Variants in TRIM44 observed in about 807,000 individuals in gnomAD.
TRIM44 encodes tripartite motif containing 44.
Under a neutral mutation model 37.4 loss-of-function variants are expected in TRIM44, and 13 were observed. The ratio of observed to expected loss-of-function variants is 0.35; its 90% CI spans 0.23 to 0.55. The LOEUF is 0.55. Among genes scored for constraint, TRIM44 ranks in the 20% least tolerant of loss-of-function variants. The pLI, the probability that TRIM44 is intolerant of heterozygous loss-of-function variation, is 0.89. For missense variants in TRIM44, 426 were observed against 437.2 expected, an observed-to-expected ratio of 0.97 and a Z score of 0.23; for synonymous variants, 175 against 157.2, an observed-to-expected ratio of 1.11 and a Z score of -0.85.
intron 4 of TRIM44, 113 bp downstream of exon 4, chr11:35,735,558 T>G (rs1852317733): frequency 6.6e-6 from 7 of 1,064,730 alleles, no homozygotes; most frequent in Non-Finnish European, 1.0e-5. Flanking sequence ...AAAAGGGATC[T>G]CTATCTTAAG....
intron 2 of TRIM44, among the ~76,000 whole-genome samples, chr11:35,701,543 TG>T (rs901795156): frequency 1.3e-5 from 2 of 152,096 alleles, no homozygotes; most frequent in Admixed American, 6.5e-5. Flanking sequence ...TTCCCTAAGC[TG>T]GGAATTGAAC....
intron 2 of TRIM44, among the ~76,000 whole-genome samples, chr11:35,706,220 T>A (rs1851879047): frequency 2.0e-5 from 3 of 149,280 alleles, no homozygotes; most frequent in Admixed American, 1.3e-4. Context: ...AGGAAGAAGT[T>A]GAATCTCTGA....
At chr11:35,722,659 G>T (rs537731876) in intron 2 of TRIM44, among the ~76,000 whole-genome samples, 2 of 152,186 alleles carry the variant, frequency 1.3e-5, no homozygotes. Context: ...CATTCTCATC[G>T]CCATCCTATT....
intron 1 of TRIM44, among the ~76,000 whole-genome samples, chr11:35,664,724 G>A (rs1436956502): frequency 6.6e-6 from 1 of 152,184 alleles, no homozygotes; most frequent in Non-Finnish European, 1.5e-5. Context: ...CATTCAGAAA[G>A]TGTGTAAAAA....
intron 4 of TRIM44, among the ~76,000 whole-genome samples, chr11:35,775,118 ATTTG>A (rs1852938060): frequency 6.6e-6 from 1 of 152,194 alleles, no homozygotes; most frequent in South Asian, 2.1e-4. Context: ...ATGTTCTTCC[ATTTG>A]TTTGTGTCCT....
intron 1 of TRIM44, 28 bp downstream of exon 1, chr11:35,663,808 C>T: frequency 1.9e-6 from 3 of 1,592,002 alleles, no homozygotes; most frequent in African/African-American, 1.3e-5. Flanking sequence ...AGAGCATAAA[C>T]CTAGGGGTCA....
At chr11:35,707,291 A>G (rs914792954) in intron 2 of TRIM44, among the ~76,000 whole-genome samples, 1 of 152,248 alleles carries the variant, frequency 6.6e-6, no homozygotes, top group African/African-American at 2.4e-5. Context: ...AGAACATTCC[A>G]TGCTCATGGG....
chr11:35,801,098 C>T (rs1465962084), intron 4 of TRIM44, among the ~76,000 whole-genome samples: 7 of 152,342 alleles, frequency 4.6e-5, no homozygotes, highest in South Asian at 2.1e-4. Context: ...GCAACTCGCT[C>T]TGTCTAGTAA....
At chr11:35,795,312 T>TA (rs982111533) in intron 4 of TRIM44, among the ~76,000 whole-genome samples, 3 of 152,078 alleles carry the variant, frequency 2.0e-5, no homozygotes, top group African/African-American at 7.2e-5. Flanking sequence ...TTTGAAATAT[T>TA]ATTCTGAATA....
rs748059669 is a variant in TRIM44, at chr11:35,685,374, C to G, written c.747+38C>G. On this transcript the variant is annotated intron_variant, in intron 2 of 4. Coordinates refer to ENST00000299413, the MANE Select transcript of TRIM44 (RefSeq NM_017583.6). ...TGGAATTGATTGGGTGTTGGTACCCCAAGCATTTCATTCTCCTTGAGCTAA... is the reference window on the plus strand; with the variant it reads ...TGGAATTGATTGGGTGTTGGTACCCGAAGCATTTCATTCTCCTTGAGCTAA... 3.9e-6 allele frequency: 6 copies of G among 1,549,294 alleles called. No homozygotes were observed. In the African/African-American group the frequency reaches 8.2e-5, roughly 21 times the overall value.
chr11:35,764,085 GC>G (rs1212876337), intron 4 of TRIM44, among the ~76,000 whole-genome samples: 1 of 152,080 alleles, frequency 6.6e-6, no homozygotes, highest in African/African-American at 2.4e-5. Context: ...CTTCTCAAGG[GC>G]ATGCTTCTTC....
intron 4 of TRIM44, among the ~76,000 whole-genome samples, chr11:35,775,504 A>G (rs981794603): frequency 6.6e-6 from 1 of 152,216 alleles, no homozygotes; most frequent in Non-Finnish European, 1.5e-5. Flanking sequence ...TTCCAGCACT[A>G]TGTTGAATAG....
chr11:35,780,588 A>G (rs1302378613), intron 4 of TRIM44, among the ~76,000 whole-genome samples: 10 of 152,238 alleles, frequency 6.6e-5, no homozygotes, highest in Non-Finnish European at 1.5e-4. Context: ...TGATCCTCTG[A>G]GAAAATTCAC....
At chr11:35,732,664 G>A (rs1852276977) in intron 3 of TRIM44, among the ~76,000 whole-genome samples, 1 of 152,150 alleles carries the variant, frequency 6.6e-6, no homozygotes, top group Non-Finnish European at 1.5e-5. Flanking sequence ...TGGGAGAAAG[G>A]AGGAGGATTA....
intron 2 of TRIM44, among the ~76,000 whole-genome samples, chr11:35,717,068 G>A (rs1286617794): frequency 6.6e-6 from 1 of 152,224 alleles, no homozygotes; most frequent in Non-Finnish European, 1.5e-5. Flanking sequence ...TTGGATAATA[G>A]AAATGTATCC....
intron 4 of TRIM44, among the ~76,000 whole-genome samples, chr11:35,797,591 A>T (rs1227862834): frequency 3.3e-5 from 5 of 152,220 alleles, no homozygotes; most frequent in Non-Finnish European, 7.3e-5. Flanking sequence ...TGATGTAATG[A>T]TAATGGCACT....
intron 2 of TRIM44, among the ~76,000 whole-genome samples, chr11:35,723,874 A>G (rs564738457): frequency 1.7e-4 from 26 of 152,342 alleles, no homozygotes; most frequent in African/African-American, 2.6e-4. Flanking sequence ...TTGAGACTCA[A>G]TTTATTTCAG....
intron 2 of TRIM44, among the ~76,000 whole-genome samples, chr11:35,689,417 T>A (rs1851616073): frequency 6.6e-6 from 1 of 152,226 alleles, no homozygotes; most frequent in Non-Finnish European, 1.5e-5. Flanking sequence ...AGATTACTTT[T>A]AATAACAAAC....
At chr11:35,697,221 A>T (rs1488524211) in intron 2 of TRIM44, among the ~76,000 whole-genome samples, 7 of 48,624 alleles carry the variant, frequency 1.4e-4, no homozygotes, top group African/African-American at 3.5e-4. Flanking sequence ...CCCTCCCCCC[A>T]CCCCACAACA....
Sources: allele counts gnomAD v4.1 joint callset (sites outside exome capture counted in the v4.1 genomes callset), GRCh38; gene constraint gnomAD v4.1.1; transcripts MANE v1.5; gene names NCBI Gene and HGNC (gene_info 2026-07-23, HGNC 2026-07-21).